ADRA1B: variants seen among roughly 807,000 people sequenced by gnomAD.
ADRA1B encodes the protein alpha-1B adrenergic receptor.
ADRA1B carries 17 observed loss-of-function variants against 17.9 expected under a neutral mutation model. The ratio of observed to expected loss-of-function variants is 0.95; its 90% CI spans 0.65 to 1.42. The LOEUF is 1.42. ADRA1B is among the 40% of genes most tolerant of loss of function. ADRA1B has a pLI of 0.00. For synonymous variants in ADRA1B, 366 were observed against 327.6 expected, an observed-to-expected ratio of 1.12 and a Z score of -1.27; for missense variants, 681 against 722.1, an observed-to-expected ratio of 0.94 and a Z score of 0.65.
In ADRA1B at chr5:159,917,552, T is replaced by G; in HGVS notation, c.647T>G (p.Leu216Arg). 1 of 1,614,114 alleles carries G rather than the reference T, an allele frequency of 6.2e-7. No homozygotes were observed. Among genetic ancestry groups the G allele is most frequent in the Non-Finnish European group, 8.5e-7 (1 of 1,180,000 alleles). The change falls in exon 1 of 2, where the codon CTG becomes CGG. Residue 216 changes from leucine to arginine, a missense_variant. Transcript: ENST00000306675. ...TCTCTGGGCTCCTTCTACATCCCTC[T>G]GGCGGTCATTCTAGTCATGTACTGC... The part of the protein sequence containing the change: ...FSSLGSFYIP[L>R]AVILVMYCRV...
chr5:159,982,958 G>A, the ADRA1B span, among the ~76,000 whole-genome samples: 124 of 152,310 alleles, frequency 8.1e-4, no homozygotes, highest in African/African-American at 2.8e-3. Context: ...TGCTCTGAAC[G>A]TGCGTGCACA....
Position 159,920,924 on chromosome 5 carries a change from AAG to A in ADRA1B, c.949+3071_949+3072del, listed in dbSNP as rs537685686. Among the ~76,000 whole-genome samples the A allele has an allele frequency of 2.7e-3, 411 of 152,238 alleles. 2 individuals are homozygous for A. The highest frequency in any genetic ancestry group is 9.7e-3 in the African/African-American group (401 of 41,546). ...GGAGGACTGTGTTTGGCAAAGGGAG[AAG>A]TGCAGGTAGGAGCAACTTCCAATTG... is the stretch of plus-strand genomic sequence containing the variant. On this transcript the variant is annotated intron_variant, in intron 1 of 1. Transcript: ENST00000306675.
At chr5:159,914,243 G>A (rs1353101640), upstream of ADRA1B, among the ~76,000 whole-genome samples, 1 of 152,170 alleles carries the variant, frequency 6.6e-6, no homozygotes, top group Non-Finnish European at 1.5e-5. Context: ...TTTTAATAAA[G>A]ACCCCTGACA....
chr5:159,879,897 G>C (rs918606990), intron 1 of ADRA1B, among the ~76,000 whole-genome samples: 1 of 152,176 alleles, frequency 6.6e-6, no homozygotes, highest in Non-Finnish European at 1.5e-5. Flanking sequence ...TCATGAGGCT[G>C]AGGCAGAAGA....
At chr5:159,980,021 G>A in the ADRA1B span, among the ~76,000 whole-genome samples, 7 of 152,126 alleles carry the variant, frequency 4.6e-5, no homozygotes, top group Admixed American at 2.0e-4. Flanking sequence ...GCGGACCATC[G>A]TGTGTGGAGA....
chr5:159,890,448 C>T (rs1201788453), intron 1 of ADRA1B, among the ~76,000 whole-genome samples: 1 of 152,198 alleles, frequency 6.6e-6, no homozygotes, highest in Non-Finnish European at 1.5e-5. Flanking sequence ...TATTACCTCT[C>T]ATTGTTTCTG....
chr5:159,978,888 A>G, the ADRA1B span, among the ~76,000 whole-genome samples: 2 of 152,252 alleles, frequency 1.3e-5, no homozygotes, highest in African/African-American at 4.8e-5. Flanking sequence ...ACACCCGTAC[A>G]GTACTTCATG....
intron 1 of ADRA1B, among the ~76,000 whole-genome samples, chr5:159,927,326 C>T (rs888488248): frequency 6.6e-6 from 1 of 150,456 alleles, no homozygotes; most frequent in Non-Finnish European, 1.5e-5. Flanking sequence ...CAGATAGAGA[C>T]CTCTAAAGGC....
At chr5:159,905,356 G>T (rs1754150620) in intron 1 of ADRA1B, among the ~76,000 whole-genome samples, 2 of 152,334 alleles carry the variant, frequency 1.3e-5, no homozygotes, top group South Asian at 4.1e-4. Context: ...AATGCAATGG[G>T]CATTTGGAAT....
chr5:159,893,487 T>C (rs1754008826), intron 1 of ADRA1B, among the ~76,000 whole-genome samples: 1 of 152,170 alleles, frequency 6.6e-6, no homozygotes, highest in African/African-American at 2.4e-5. Context: ...CCAAGACTGA[T>C]AGCTGAGTAT....
chr5:159,903,017 C>T (rs1288742592), intron 1 of ADRA1B, among the ~76,000 whole-genome samples: 2 of 152,160 alleles, frequency 1.3e-5, no homozygotes, highest in Admixed American at 6.5e-5. Flanking sequence ...CTGCATCCCC[C>T]GCGGTTACCT....
the ADRA1B span, among the ~76,000 whole-genome samples, chr5:159,982,949 G>T: frequency 1.3e-5 from 2 of 152,188 alleles, no homozygotes; most frequent in Admixed American, 6.5e-5. Flanking sequence ...TTACTAAGAT[G>T]CTCTGAACGT....
At chr5:159,941,785 T>G (rs1357801949) in intron 1 of ADRA1B, among the ~76,000 whole-genome samples, 1 of 152,150 alleles carries the variant, frequency 6.6e-6, no homozygotes, top group African/African-American at 2.4e-5. Context: ...ACACAAAAGT[T>G]CACATTTTGT....
chr5:159,972,160 G>A lies in ADRA1B; in HGVS notation c.1231G>A (p.Gly411Ser). Residue 411 changes from glycine to serine, a missense_variant, in exon 2 of 2, where the codon GGC becomes AGC. Gly to Ser is a moderately conservative substitution (Grantham distance 56, BLOSUM62 0). Transcript: ENST00000306675. ...QSRKDSLDDS[G>S]SCLSGSQRTL... ...GCGCAAGGACTCGCTGGACGACAGC[G>A]GCAGCTGCCTGAGCGGCAGCCAGCG... 2 of 1,363,228 alleles carry A rather than the reference G, an allele frequency of 1.5e-6. No homozygotes were observed. Among genetic ancestry groups the A allele is most frequent in the South Asian group, 3.3e-5 (2 of 60,008 alleles). 84.4% of individuals were successfully genotyped at this position (1,363,228 alleles called of 1,614,324 possible).
chr5:159,928,298 A>G (rs1018464712), intron 1 of ADRA1B, among the ~76,000 whole-genome samples: 6 of 152,156 alleles, frequency 3.9e-5, no homozygotes, highest in Non-Finnish European at 7.3e-5. Context: ...TGACAGCACC[A>G]TGAGTCAGCT....
intron 1 of ADRA1B, among the ~76,000 whole-genome samples, chr5:159,911,212 G>T (rs1754224185): frequency 6.6e-6 from 1 of 152,148 alleles, no homozygotes; most frequent in Non-Finnish European, 1.5e-5. Context: ...CAAGCCCATG[G>T]CCAGCAAGGG....
chr5:159,894,695 T>C (rs1754023408), intron 1 of ADRA1B, among the ~76,000 whole-genome samples: 1 of 152,148 alleles, frequency 6.6e-6, no homozygotes, highest in East Asian at 1.9e-4. Context: ...GAGGGCAATA[T>C]AGTCATGCAT....
chr5:159,897,105 G>C (rs1754048262), intron 1 of ADRA1B, among the ~76,000 whole-genome samples: 1 of 152,212 alleles, frequency 6.6e-6, no homozygotes, highest in Admixed American at 6.5e-5. Flanking sequence ...GGAGATGACA[G>C]AGCTGGGAGG....
At chr5:159,868,123 T>C (rs1015284448) in intron 1 of ADRA1B, 1 of 152,178 alleles carries the variant, frequency 6.6e-6, no homozygotes, top group Non-Finnish European at 1.5e-5. Context: ...ATGGTGATAT[T>C]GTAAACACCT....
Sources: allele counts gnomAD v4.1 joint callset (sites outside exome capture counted in the v4.1 genomes callset), GRCh38; gene constraint gnomAD v4.1.1; transcripts MANE v1.5; gene names NCBI Gene and HGNC (gene_info 2026-07-23, HGNC 2026-07-21).